The following PPME1 variants were observed in gnomAD, a reference collection of about 807,000 sequenced individuals.
PPME1 encodes the protein testicular secretory protein Li 39.
PPME1 carries 17 observed loss-of-function variants against 56.9 expected under a neutral mutation model. The ratio of observed to expected loss-of-function variants is 0.30; its 90% CI spans 0.20 to 0.45. PPME1 has a LOEUF of 0.45. Among genes scored for constraint, PPME1 ranks in the 20% least tolerant of loss-of-function variants. The pLI, the probability that PPME1 is intolerant of heterozygous loss-of-function variation, is 1.00. For synonymous variants in PPME1, 122 were observed against 156.2 expected (o/e 0.78, Z 1.63); for missense variants, 357 against 483.2 (o/e 0.74, Z 2.45).
chr11:74,179,506 A>G (rs1248097401), intron 1 of PPME1, among the ~76,000 whole-genome samples: 1 of 152,218 alleles, frequency 6.6e-6, no homozygotes, highest in Non-Finnish European at 1.5e-5. Context: ...AAAAATAGTA[A>G]TTATAAAATA....
At chr11:74,181,393 C>G (rs1382068277) in intron 1 of PPME1, among the ~76,000 whole-genome samples, 2 of 152,194 alleles carry the variant, frequency 1.3e-5, no homozygotes, top group Non-Finnish European at 2.9e-5. Context: ...GAAGCACTTT[C>G]AGACTACTTT....
chr11:74,195,604 G>A (rs1323080203), intron 1 of PPME1, among the ~76,000 whole-genome samples: 2 of 152,094 alleles, frequency 1.3e-5, no homozygotes, highest in Non-Finnish European at 2.9e-5. Flanking sequence ...ATGTGCAGGA[G>A]GTTCTCTGTA....
chr11:74,183,601 C>A (rs988274677), intron 1 of PPME1, among the ~76,000 whole-genome samples: 1 of 151,984 alleles, frequency 6.6e-6, no homozygotes, highest in Non-Finnish European at 1.5e-5. Context: ...AGAATGAATT[C>A]TTTTTTATAT....
intron 3 of PPME1, 107 bp from the exon 4 acceptor site, chr11:74,222,205 G>A: frequency 1.2e-6 from 1 of 803,418 alleles, no homozygotes; most frequent in Non-Finnish European, 2.1e-6. Flanking sequence ...TGATTCTCTT[G>A]GGTCCTTTGA....
intron 11 of PPME1, 146 bp downstream of exon 11, chr11:74,247,269 A>C (rs1859527468): frequency 3.3e-6 from 2 of 613,382 alleles, no homozygotes; most frequent in Non-Finnish European, 5.7e-6. Context: ...TACTCCTAAC[A>C]CACTATATGA....
At position 74,176,721 on chromosome 11, in the gene PPME1, CTTTTTTTTT is replaced by C. The variant is rs780832040; in HGVS notation, c.101+5214_101+5222del. Among the ~76,000 whole-genome samples, 8 of 102,194 alleles carry C rather than the reference CTTTTTTTTT, an allele frequency of 7.8e-5. No individual in the cohort carries two copies. In the East Asian group the frequency reaches 2.1e-3, roughly 26 times the overall value. 67.0% of individuals were successfully genotyped at this position (102,194 alleles called of 152,430 possible). On this transcript the variant is annotated intron_variant, in intron 1 of 13. Transcript: ENST00000328257. ...TTTTTCCTGGTACCTGTGTAGTGTC[CTTTTTTTTT>C]TTTTTTTTTTTTTTGAGACAGAGTC...
chr11:74,219,555 T>C (rs1348290278), intron 3 of PPME1, among the ~76,000 whole-genome samples: 2 of 152,062 alleles, frequency 1.3e-5, no homozygotes, highest in African/African-American at 4.8e-5. Context: ...GGAGTACTAT[T>C]TGGTTATAAA....
intron 11 of PPME1, chr11:74,250,682 CCT>C (rs1477598630): frequency 2.5e-6 from 1 of 397,976 alleles, no homozygotes; most frequent in Non-Finnish European, 4.6e-6. Flanking sequence ...CTGTAAATCC[CCT>C]GAGGACAAGA....
chr11:74,225,081 C>A, intron 4 of PPME1, 124 bp from the exon 5 acceptor site: 1 of 609,352 alleles, frequency 1.6e-6, no homozygotes, highest in Non-Finnish European at 2.7e-6. Context: ...CCTTGCTAAA[C>A]TCATTGTGTA....
In PPME1 at chr11:74,250,984, G is replaced by T; in HGVS notation, c.1040G>T (p.Cys347Phe). 1 of 1,602,518 alleles carries T rather than the reference G, an allele frequency of 6.2e-7. No individual in the cohort carries two copies. Among genetic ancestry groups the T allele is most frequent in the Non-Finnish European group, 8.5e-7 (1 of 1,174,460 alleles). ...TTCCAGATGCAGGTCCTACCCCAGT[G>T]TGGCCATGCAGTCCATGAGGATGCC... The part of the protein sequence containing the change: ...GKFQMQVLPQ[C>F]GHAVHEDAPD... The change falls in exon 12 of 14, where the codon TGT becomes TTT. Residue 347 changes from cysteine (C) to phenylalanine (F), a missense_variant. Around this residue, in one of 2 missense-constraint regions of PPME1, gnomAD observed 182 missense variants for 293.8 expected, o/e 0.62. Coordinates refer to ENST00000328257, the MANE Select transcript of PPME1 (RefSeq NM_016147.3).
intron 9 of PPME1, among the ~76,000 whole-genome samples, chr11:74,240,136 G>C (rs1392266129): frequency 6.6e-6 from 1 of 152,028 alleles, no homozygotes; most frequent in Non-Finnish European, 1.5e-5. Flanking sequence ...TAGTATCACT[G>C]TCTTTCCAAC....
At chr11:74,231,193 G>C (rs991032758) in intron 7 of PPME1, among the ~76,000 whole-genome samples, 191 bp downstream of exon 7, 7 of 152,264 alleles carry the variant, frequency 4.6e-5, no homozygotes, top group African/African-American at 1.7e-4. Flanking sequence ...AAGTTGCTAA[G>C]ACTACAGGTA....
chr11:74,202,016 A>G (rs1324975753), intron 1 of PPME1, among the ~76,000 whole-genome samples: 3 of 152,206 alleles, frequency 2.0e-5, no homozygotes, highest in Non-Finnish European at 4.4e-5. Flanking sequence ...TTTTTATTTC[A>G]GAAGATAGGA....
At chr11:74,225,466 G>A (rs1343694930) in intron 5 of PPME1, among the ~76,000 whole-genome samples, 2 of 152,010 alleles carry the variant, frequency 1.3e-5, no homozygotes, top group African/African-American at 2.4e-5. Context: ...CAATGCAATG[G>A]TCATCATATA....
chr11:74,204,470 G>C, intron 3 of PPME1, 25 bp downstream of exon 3: 1 of 1,551,900 alleles, frequency 6.4e-7, no homozygotes, highest in Non-Finnish European at 8.9e-7. Context: ...GATAGTACAA[G>C]TTAATGTTAG....
chr11:74,184,989 C>CTTT lies in PPME1; in HGVS notation c.101+13493_101+13495dup, dbSNP rs559947122. On this transcript the variant is annotated intron_variant, in intron 1 of 13. Coordinates refer to ENST00000328257, the MANE Select transcript of PPME1 (RefSeq NM_016147.3). ...TTTACTGTTTGCTTATGAAGTATGTCTTTTTTTTTTTTTTTTTTTTTTTTT... is the reference window on the plus strand; with the variant it reads ...TTTACTGTTTGCTTATGAAGTATGTCTTTTTTTTTTTTTTTTTTTTTTTTTTTT... 3.6e-4 allele frequency among the ~76,000 whole-genome samples: 34 copies of CTTT among 95,722 alleles called. 1 individual carries two copies. Among genetic ancestry groups the CTTT allele is most frequent in the Non-Finnish European group, 4.1e-4 (19 of 46,196 alleles). The allele number at this position is 95,722 out of a possible 152,430, so 62.8% of individuals were successfully genotyped here.
chr11:74,182,462 C>G (rs1857566814), intron 1 of PPME1, among the ~76,000 whole-genome samples: 2 of 151,956 alleles, frequency 1.3e-5, no homozygotes, highest in African/African-American at 4.8e-5. Context: ...CAGGTCCAAG[C>G]AACCCTTCTG....
chr11:74,183,938 G>A (rs1857605116), intron 1 of PPME1, among the ~76,000 whole-genome samples: 1 of 152,170 alleles, frequency 6.6e-6, no homozygotes, highest in South Asian at 2.1e-4. Flanking sequence ...GTTTAGAATT[G>A]TCCATCCTGA....
intron 1 of PPME1, among the ~76,000 whole-genome samples, chr11:74,202,313 C>T (rs949193870): frequency 6.6e-6 from 1 of 152,134 alleles, no homozygotes; most frequent in African/African-American, 2.4e-5. Context: ...AGAGGTGAGA[C>T]CCAAGCATGA....
Sources: allele counts gnomAD v4.1 joint callset (sites outside exome capture counted in the v4.1 genomes callset), GRCh38; gene constraint gnomAD v4.1.1; regional missense constraint gnomAD v4.1.1; transcripts MANE v1.5; gene names NCBI Gene and HGNC (gene_info 2026-07-23, HGNC 2026-07-21).